Variants in SLC39A11 observed in about 807,000 individuals in gnomAD.
SLC39A11 encodes zinc transporter ZIP11.
A neutral mutation model predicts 36.1 loss-of-function variants in SLC39A11; 33 were observed. The ratio of observed to expected loss-of-function variants is 0.91; its 90% confidence interval spans 0.69 to 1.22. The LOEUF (loss-of-function observed/expected upper bound fraction) is 1.22, where lower values mean the gene tolerates loss of function less well. SLC39A11 is among the 50% of genes most tolerant of loss of function. The pLI is 0.00. For missense variants in SLC39A11, 432 were observed against 430.3 expected, an observed-to-expected ratio of 1.00 and a Z score of -0.03; for synonymous variants, 166 against 170.3, an observed-to-expected ratio of 0.97 and a Z score of 0.20.
chr17:72,863,993 C>T (rs1378526896), intron 5 of SLC39A11, among the ~76,000 whole-genome samples: 2 of 152,154 alleles, frequency 1.3e-5, no homozygotes, highest in Non-Finnish European at 2.9e-5. Flanking sequence ...ACTGTATAAA[C>T]CACTGAGACT....
chr17:72,871,105 C>G (rs2080600032), intron 5 of SLC39A11, among the ~76,000 whole-genome samples: 1 of 148,782 alleles, frequency 6.7e-6, no homozygotes, highest in Non-Finnish European at 1.5e-5. Flanking sequence ...TCTGTTGCCC[C>G]AGCTGGAGTG....
intron 4 of SLC39A11, among the ~76,000 whole-genome samples, chr17:72,960,416 TTGAC>T (rs1429246530): frequency 6.6e-6 from 1 of 152,128 alleles, no homozygotes; most frequent in Non-Finnish European, 1.5e-5. Flanking sequence ...GGTAGATAGA[TTGAC>T]AGATAGATAG....
intron 4 of SLC39A11, among the ~76,000 whole-genome samples, chr17:73,027,106 A>T (rs963672520): frequency 1.3e-5 from 2 of 152,220 alleles, no homozygotes; most frequent in Non-Finnish European, 2.9e-5. Flanking sequence ...TGGGCAACAG[A>T]GCAAGACCCT....
intron 4 of SLC39A11, among the ~76,000 whole-genome samples, chr17:72,966,782 G>A (rs1481824772): frequency 6.6e-6 from 1 of 152,054 alleles, no homozygotes; most frequent in African/African-American, 2.4e-5. Context: ...TGTTAGCCAG[G>A]ATGGTCTTGA....
chr17:72,961,482 C>T (rs2086603490), intron 4 of SLC39A11, among the ~76,000 whole-genome samples: 1 of 152,132 alleles, frequency 6.6e-6, no homozygotes, highest in Non-Finnish European at 1.5e-5. Context: ...AGACTTGGAA[C>T]CAACCCAAAT....
At chr17:73,011,898 G>A (rs190761387) in intron 4 of SLC39A11, among the ~76,000 whole-genome samples, 1 of 150,954 alleles carries the variant, frequency 6.6e-6, no homozygotes, top group Non-Finnish European at 1.5e-5. Context: ...CTGACCTCAG[G>A]TGATCCACAC....
chr17:72,857,450 G>A (rs2079705280), intron 5 of SLC39A11, among the ~76,000 whole-genome samples: 1 of 152,150 alleles, frequency 6.6e-6, no homozygotes, highest in African/African-American at 2.4e-5. Flanking sequence ...ACATTGATGT[G>A]CATGTGTCTT....
At chr17:73,060,774 AT>A (rs1391835540) in intron 3 of SLC39A11, among the ~76,000 whole-genome samples, 1 of 152,094 alleles carries the variant, frequency 6.6e-6, no homozygotes, top group African/African-American at 2.4e-5. Flanking sequence ...ATTGTTTACA[AT>A]TTTTAGAAAT....
chr17:73,035,236 G>A (rs1193341154), intron 3 of SLC39A11, among the ~76,000 whole-genome samples: 3 of 152,276 alleles, frequency 2.0e-5, no homozygotes, highest in African/African-American at 4.8e-5. Context: ...CGCCTCCCAG[G>A]TACAAGAGAT....
chr17:72,912,732 T>C (rs1366067204), intron 5 of SLC39A11, among the ~76,000 whole-genome samples: 3 of 152,176 alleles, frequency 2.0e-5, no homozygotes, highest in Non-Finnish European at 4.4e-5. Context: ...CACTTGGTCC[T>C]GCCTGTGCCA....
intron 6 of SLC39A11, among the ~76,000 whole-genome samples, chr17:72,781,276 G>A (rs1392451890): frequency 1.3e-5 from 2 of 152,094 alleles, no homozygotes; most frequent in Non-Finnish European, 2.9e-5. Context: ...TTCCTTGCAC[G>A]TCAAGAAAAC....
At chr17:72,768,027 T>C (rs1009554133) in intron 6 of SLC39A11, among the ~76,000 whole-genome samples, 1 of 152,038 alleles carries the variant, frequency 6.6e-6, no homozygotes, top group South Asian at 2.1e-4. Flanking sequence ...GGGGCAGAGA[T>C]GAAATCATAG....
chr17:72,701,697 C>T (rs367612631), intron 7 of SLC39A11, among the ~76,000 whole-genome samples: 8 of 123,240 alleles, frequency 6.5e-5, no homozygotes, highest in African/African-American at 2.2e-4. Flanking sequence ...CACTGTACTC[C>T]AGCCTGGGAG....
intron 5 of SLC39A11, among the ~76,000 whole-genome samples, chr17:72,940,277 C>CG (rs1172313752): frequency 6.9e-6 from 1 of 144,834 alleles, no homozygotes; most frequent in Non-Finnish European, 1.5e-5. Flanking sequence ...AGCCATCTGA[C>CG]TTTTTTTTTT....
At chr17:72,779,030 C>T (rs973762134) in intron 6 of SLC39A11, among the ~76,000 whole-genome samples, 6 of 152,130 alleles carry the variant, frequency 3.9e-5, no homozygotes, top group African/African-American at 7.2e-5. Context: ...CTGATCCTGC[C>T]GAACTGAAGA....
chr17:72,823,644 A>G (rs2077889656), intron 6 of SLC39A11: 1 of 151,486 alleles, frequency 6.6e-6, no homozygotes, highest in South Asian at 2.1e-4. Context: ...TGGAGAACAG[A>G]CATCATTTCT....
In SLC39A11 at chr17:72,721,257, C is replaced by T. The variant is rs748389880; in HGVS notation, c.671+15393G>A. Among the ~76,000 whole-genome samples, 9 of 152,030 alleles carry T rather than the reference C, an allele frequency of 5.9e-5. 1 individual carries two copies. In the South Asian group the frequency reaches 6.2e-4, roughly 11 times the overall value. ...GATTACAGATGCATGCCACCATGTC[C>T]GGCTAATTTTTGTATTTTTACTAGA... On this transcript the variant is annotated intron_variant, in intron 7 of 9. Transcript: ENST00000255559.
At chr17:72,925,686 A>G (rs926037504) in intron 5 of SLC39A11, among the ~76,000 whole-genome samples, 1 of 152,196 alleles carries the variant, frequency 6.6e-6, no homozygotes, top group Non-Finnish European at 1.5e-5. Context: ...TTGCCATATG[A>G]TTTGTTAAGC....
chr17:72,952,049 G>A (rs976348033), intron 4 of SLC39A11, among the ~76,000 whole-genome samples: 2 of 152,028 alleles, frequency 1.3e-5, no homozygotes, highest in Admixed American at 6.6e-5. Context: ...ATCTCCACCT[G>A]TACCCACTCC....
Sources: allele counts gnomAD v4.1 joint callset (sites outside exome capture counted in the v4.1 genomes callset), GRCh38; gene constraint gnomAD v4.1.1; transcripts MANE v1.5; gene names NCBI Gene and HGNC (gene_info 2026-07-23, HGNC 2026-07-21).